Variants in UBAC2 observed in about 807,000 individuals in gnomAD.
UBAC2 encodes the protein UBA domain containing 2, also known as ubiquitin-associated domain-containing protein 2.
UBAC2 carries 26 observed loss-of-function variants against 44.0 expected under a neutral mutation model. The ratio of observed to expected loss-of-function variants is 0.59; its 90% CI spans 0.43 to 0.82. UBAC2 has a LOEUF of 0.82. Ranked by LOEUF, UBAC2 falls within the 40% of genes least tolerant of loss-of-function variation. The pLI is 0.00. For synonymous variants in UBAC2, 155 were observed against 154.3 expected (o/e 1.00, Z -0.04); for missense variants, 329 against 419.4 (o/e 0.78, Z 1.88).
At chr13:99,344,830 C>G (rs1048565255) in intron 7 of UBAC2, among the ~76,000 whole-genome samples, 4 of 152,152 alleles carry the variant, frequency 2.6e-5, no homozygotes, top group Admixed American at 1.3e-4. Context: ...GCTCTCTGAC[C>G]AATACTGGTG....
At chr13:99,210,812 G>T (rs1050412595) in intron 1 of UBAC2, among the ~76,000 whole-genome samples, 2 of 152,038 alleles carry the variant, frequency 1.3e-5, no homozygotes, top group Non-Finnish European at 2.9e-5. Flanking sequence ...GGGTTTCACC[G>T]TGTTGGCCAG....
At chr13:99,247,863 C>G (rs1201110703) in intron 4 of UBAC2, among the ~76,000 whole-genome samples, 1 of 106,360 alleles carries the variant, frequency 9.4e-6, no homozygotes, top group African/African-American at 2.7e-5. Flanking sequence ...CTATTTAATT[C>G]TCTCTCTCTC....
At chr13:99,270,122 T>C (rs2043797385) in intron 4 of UBAC2, among the ~76,000 whole-genome samples, 1 of 152,240 alleles carries the variant, frequency 6.6e-6, no homozygotes, top group Non-Finnish European at 1.5e-5. Flanking sequence ...AGAATGATTT[T>C]TAGTTCTGAT....
intron 1 of UBAC2, among the ~76,000 whole-genome samples, chr13:99,214,531 A>AC (rs914092935): frequency 6.7e-6 from 1 of 149,090 alleles, no homozygotes; most frequent in African/African-American, 2.5e-5. Flanking sequence ...GACTGTGAGA[A>AC]CCCCCTGCAG....
At chr13:99,341,827 A>T (rs1236839741) in intron 7 of UBAC2, among the ~76,000 whole-genome samples, 7 of 152,210 alleles carry the variant, frequency 4.6e-5, no homozygotes, top group Admixed American at 1.3e-4. Flanking sequence ...GATTGAGTAT[A>T]AAGGTAGAGG....
intron 6 of UBAC2, among the ~76,000 whole-genome samples, chr13:99,339,129 G>T (rs1337141303): frequency 1.3e-5 from 2 of 149,802 alleles, no homozygotes; most frequent in African/African-American, 4.8e-5. Flanking sequence ...ATAGCCACCT[G>T]CCCACTCAGT....
intron 4 of UBAC2, chr13:99,256,496 T>C (rs905920779): frequency 9.2e-5 from 14 of 152,140 alleles, no homozygotes; most frequent in African/African-American, 3.1e-4. Flanking sequence ...CTGCTCTACT[T>C]CAGTGGTTCA....
chr13:99,351,802 G>T (rs545579839), intron 7 of UBAC2: 13 of 456,400 alleles, frequency 2.8e-5, no homozygotes, highest in Non-Finnish European at 5.3e-5. Context: ...GGAGTCCTTG[G>T]TGCTCTTCTT....
Position 99,277,830 on chromosome 13 carries a change from T to C in UBAC2, c.389+33206T>C, listed in dbSNP as rs537666689. On this transcript the variant is annotated intron_variant, in intron 4 of 8. Transcript: ENST00000403766. ...CCTCTGTCACCACCCGCAAGCCTCA[T>C]CAAGCCTCTAATCTGGAGGTGGGTG... Among the ~76,000 whole-genome samples, 362 of 152,250 alleles carry C rather than the reference T, an allele frequency of 2.4e-3. 4 individuals carry two copies. The highest frequency in any genetic ancestry group is 0.011 in the South Asian group (52 of 4,824).
rs1046733558 is a variant in UBAC2, at chr13:99,385,154, T to C, written c.928-74T>C. ...TTTGACCTTTGCCACAAGGCTCACA[T>C]GAAGAACATTTGGGGCCCAGGGATA... is the stretch of plus-strand genomic sequence containing the variant. On this transcript the variant is annotated intron_variant, in intron 8 of 8. Coordinates refer to ENST00000403766, the MANE Select transcript of UBAC2 (RefSeq NM_001144072.2). 4 of 1,123,174 alleles carry C rather than the reference T, an allele frequency of 3.6e-6. No homozygotes were observed. The African/African-American group carries it at 4.6e-5, about 13-fold the overall frequency. 69.6% of individuals were successfully genotyped at this position (1,123,174 alleles called of 1,614,324 possible). A position where few individuals can be genotyped will look rare whatever the true frequency, so the allele number is the denominator to read the frequency against.
At chr13:99,234,694 A>T (rs2043214748) in intron 1 of UBAC2, among the ~76,000 whole-genome samples, 1 of 152,168 alleles carries the variant, frequency 6.6e-6, no homozygotes. Flanking sequence ...TTTCCCATGG[A>T]TTAGCTCAGC....
intron 4 of UBAC2, among the ~76,000 whole-genome samples, chr13:99,269,020 A>G (rs1263967936): frequency 1.3e-5 from 2 of 152,238 alleles, no homozygotes; most frequent in Non-Finnish European, 2.9e-5. Flanking sequence ...CCACGGGGAC[A>G]TGCTACGGGA....
intron 6 of UBAC2, among the ~76,000 whole-genome samples, chr13:99,326,415 G>T (rs2044641610): frequency 6.6e-6 from 1 of 152,104 alleles, no homozygotes; most frequent in African/African-American, 2.4e-5. Context: ...TGAATTGTAG[G>T]AGAGTCCTTT....
chr13:99,267,164 A>G (rs535452765), intron 4 of UBAC2, among the ~76,000 whole-genome samples: 140 of 152,016 alleles, frequency 9.2e-4, no homozygotes, highest in African/African-American at 3.3e-3. Flanking sequence ...GGCCATTTAT[A>G]TATATTTCTT....
At chr13:99,310,475 C>T (rs2044397096) in intron 4 of UBAC2, among the ~76,000 whole-genome samples, 1 of 152,154 alleles carries the variant, frequency 6.6e-6, no homozygotes, top group Non-Finnish European at 1.5e-5. Context: ...TTACTGTTGA[C>T]AGTATAGAGA....
chr13:99,262,599 A>C (rs1253190920), intron 4 of UBAC2, among the ~76,000 whole-genome samples: 1 of 150,606 alleles, frequency 6.6e-6, no homozygotes, highest in Non-Finnish European at 1.5e-5. Flanking sequence ...GCTACTCAGG[A>C]GGCTGAGGCA....
chr13:99,258,585 A>G (rs955488280), intron 4 of UBAC2: 3 of 124,862 alleles, frequency 2.4e-5, no homozygotes, highest in African/African-American at 9.2e-5. Flanking sequence ...AGTCTGCATC[A>G]TCTATGGAAA....
At chr13:99,377,245 A>G (rs952041095) in intron 8 of UBAC2, 3 of 152,430 alleles carry the variant, frequency 2.0e-5, no homozygotes, top group Admixed American at 2.0e-4. Context: ...GACCAGATCC[A>G]TGCAAGGCCC....
chr13:99,233,853 G>GT (rs1343062950), intron 1 of UBAC2, among the ~76,000 whole-genome samples: 1 of 152,124 alleles, frequency 6.6e-6, no homozygotes, highest in Non-Finnish European at 1.5e-5. Flanking sequence ...CCGATGAAGC[G>GT]TAAGTATTTC....
Sources: gnomAD v4.1 joint callset for allele counts (sites outside exome capture counted in the v4.1 genomes callset) on GRCh38, gnomAD v4.1.1 for gene constraint, MANE v1.5 for transcripts, NCBI Gene and HGNC (gene_info 2026-07-23, HGNC 2026-07-21) for gene names.